The following GANC variants were observed in gnomAD, a reference collection of about 807,000 sequenced individuals.
The protein encoded by GANC is neutral alpha-glucosidase C.
A neutral mutation model predicts 124.2 loss-of-function variants in GANC; 117 were observed. That is an observed-to-expected ratio of 0.94 (90% CI 0.81 to 1.10). GANC has a LOEUF of 1.10. Among genes scored for constraint, GANC ranks in the 50% least tolerant of loss-of-function variants. The probability of loss-of-function intolerance (pLI) is 0.00; values close to 1 mark genes in which losing one functional copy is unlikely to be tolerated. For missense variants in GANC, 1,140 were observed against 1,095.0 expected (o/e 1.04, Z -0.58); for synonymous variants, 377 against 376.8 (o/e 1.00, Z -0.01).
intron 8 of GANC, 97 bp downstream of exon 8, chr15:42,308,415 C>A: frequency 1.3e-6 from 1 of 742,128 alleles, no homozygotes; most frequent in Non-Finnish European, 2.3e-6. Flanking sequence ...CTAATATGTG[C>A]CAGGCCTTTT....
chr15:42,334,095 A>G (rs895413983), intron 15 of GANC, among the ~76,000 whole-genome samples: 2 of 152,180 alleles, frequency 1.3e-5, no homozygotes, highest in African/African-American at 4.8e-5. Context: ...TCAAAATTAA[A>G]CTAAAAAATT....
chr15:42,315,833 T>C lies in GANC; in HGVS notation c.1057+4987T>C, dbSNP rs139492797. On this transcript the variant is annotated intron_variant, in intron 10 of 23. Transcript: ENST00000318010. ...ACTAAGGTCCCTGGGGAAAACAGAA[T>C]GTCTCCAGCCTGCCTTCAGGCTCAA... Among the ~76,000 whole-genome samples, 27 of 152,174 alleles carry C rather than the reference T, an allele frequency of 1.8e-4. No individual in the cohort carries two copies. In the East Asian group the frequency reaches 5.0e-3, roughly 28 times the overall value.
At position 42,351,412 on chromosome 15, in the gene GANC, C is replaced by T. The variant is rs767716869; in HGVS notation, c.2615C>T (p.Ser872Phe). 22 of 1,613,100 alleles carry T rather than the reference C, an allele frequency of 1.4e-5. No homozygotes were observed. Among genetic ancestry groups the T allele is most frequent in the South Asian group, 3.3e-5 (3 of 91,044 alleles). The change falls in exon 23 of 24, where the codon TCT becomes TTT. Residue 872 changes from serine to phenylalanine, a missense_variant. Physicochemically the swap from Ser to Phe is radical, Grantham distance 155. Transcript: ENST00000318010. Reference protein sequence around the residue: ...LVLGFRKEPSSVTTHSSDGKD... With the variant: ...LVLGFRKEPSFVTTHSSDGKD... ...TTAGGCTTCAGGAAGGAGCCATCTT[C>T]TGTGACTACCCACTCATCTGGTGAG...
intron 20 of GANC, 130 bp downstream of exon 20, chr15:42,345,962 G>A: frequency 3.1e-6 from 2 of 640,102 alleles, no homozygotes; most frequent in South Asian, 2.0e-5. Context: ...TTTGGAGGCT[G>A]GAAGTTCCAG....
At chr15:42,330,815 T>G (rs1197006288) in intron 15 of GANC, 143 bp downstream of exon 15, 2 of 601,028 alleles carry the variant, frequency 3.3e-6, no homozygotes, top group Admixed American at 3.6e-5. Flanking sequence ...TGAAACAGAG[T>G]CTCGCTTTGT....
chr15:42,309,199 A>G (rs748759345), intron 8 of GANC, among the ~76,000 whole-genome samples: 35 of 152,186 alleles, frequency 2.3e-4, no homozygotes, highest in Non-Finnish European at 4.9e-4. Flanking sequence ...ACTTTCAGGT[A>G]GGCACAGTGG....
In GANC at chr15:42,297,617, T is replaced by C; in HGVS notation, c.519T>C (p.Ala173=). Reference sequence around the variant, plus strand: ...TTTATTTACGTTAAAACAGAGCTGCTAAAGAAAATGAGGAGGAGACATCAG... The same window carrying C: ...TTTATTTACGTTAAAACAGAGCTGCCAAAGAAAATGAGGAGGAGACATCAG... The part of the protein sequence containing the change: ...HLQILHKQRA[A]KENEEETSVD... Residue 173 remains alanine, a synonymous_variant, in exon 6 of 24, where the codon GCT becomes GCC. Transcript: ENST00000318010. The C allele has an allele frequency of 1.9e-6, 3 of 1,612,308 alleles. No homozygotes were observed. The highest frequency in any genetic ancestry group is 2.2e-5 in the East Asian group (1 of 44,802).
chr15:42,319,900 A>G (rs2918458), intron 10 of GANC, among the ~76,000 whole-genome samples: 138,471 of 152,196 alleles, frequency 0.91, 64,354 homozygotes, highest in Non-Finnish European at 1. Context: ...TTCAGATTTT[A>G]GAGGCCAGAT....
chr15:42,324,936 T>C lies in GANC; in HGVS notation c.1294-1362T>C, dbSNP rs529267024. On this transcript the variant is annotated intron_variant, in intron 11 of 23. Coordinates refer to ENST00000318010, the MANE Select transcript of GANC (RefSeq NM_198141.3). The stretch of plus-strand genomic sequence containing the variant: ...ACTGCACACTTAAAAATGGTTAAGA[T>C]AGTAAATTTTATGTTATGTGTATTT... Among the ~76,000 whole-genome samples the C allele has an allele frequency of 2.1e-4, 32 of 152,172 alleles. No individual in the cohort carries two copies. The South Asian group carries it at 6.6e-3, about 32-fold the overall frequency.
In GANC at chr15:42,352,208, T is replaced by C. The variant is rs1176739098; in HGVS notation, c.*69T>C. On this transcript the variant is annotated 3_prime_UTR_variant, in exon 24 of 24. Coordinates refer to ENST00000318010, the MANE Select transcript of GANC (RefSeq NM_198141.3). ...CTTTCAACCTTTCCCCTCACCTTTT[T>C]TGAGATTTTTGCTGCAATCTGTTTG... The C allele has an allele frequency of 6.3e-7, 1 of 1,585,850 alleles. No homozygotes were observed. The highest frequency in any genetic ancestry group is 1.3e-5 in the African/African-American group (1 of 74,202).
At chr15:42,330,766 T>C (rs570351725) in intron 15 of GANC, 94 bp downstream of exon 15, 2 of 635,350 alleles carry the variant, frequency 3.1e-6, no homozygotes, top group Admixed American at 4.2e-5. Flanking sequence ...ATGCCTTCCT[T>C]TTCCTTTTTT....
intron 3 of GANC, chr15:42,283,645 C>T: frequency 1.4e-6 from 1 of 702,530 alleles, no homozygotes; most frequent in Admixed American, 2.0e-5. Context: ...ACAACACTTC[C>T]AGCAGCTTCT....
chr15:42,330,126 T>C (rs1272273775), intron 14 of GANC, among the ~76,000 whole-genome samples: 1 of 152,200 alleles, frequency 6.6e-6, no homozygotes, highest in African/African-American at 2.4e-5. Flanking sequence ...AGTTTTCAGA[T>C]TGTGTGTGTT....
chr15:42,302,424 A>G (rs1200751934), intron 6 of GANC, among the ~76,000 whole-genome samples: 2 of 152,216 alleles, frequency 1.3e-5, no homozygotes, highest in Admixed American at 6.5e-5. Context: ...TGAAAATTCC[A>G]AAAACCAGAA....
chr15:42,313,396 C>A (rs1416677025), intron 10 of GANC, among the ~76,000 whole-genome samples: 1 of 152,150 alleles, frequency 6.6e-6, no homozygotes, highest in South Asian at 2.1e-4. Flanking sequence ...TTAGAATTCA[C>A]TAACATTAAA....
At position 42,292,815 on chromosome 15, in the gene GANC, A is replaced by AC. The variant is rs779419091; in HGVS notation, c.413dup (p.Phe139IlefsTer8). 6.2e-7 allele frequency: 1 copy of AC among 1,614,116 alleles called. No homozygotes were observed. Among genetic ancestry groups the AC allele is most frequent in the South Asian group, 1.1e-5 (1 of 91,078 alleles). On this transcript the variant is annotated frameshift_variant, in exon 5 of 24. Coordinates refer to ENST00000318010, the MANE Select transcript of GANC (RefSeq NM_198141.3). LOFTEE classifies it high-confidence loss of function. The stretch of plus-strand genomic sequence containing the variant: ...GACCTGAAGTGCCATATCACAGCAA[A>AC]CCCATTCAAGGTAGACTTGGTGTCT...
intron 11 of GANC, among the ~76,000 whole-genome samples, chr15:42,325,629 CTTAGTTCTGTATGT>C (rs555213245): frequency 0.064 from 9,741 of 152,258 alleles, 396 homozygotes; most frequent in South Asian, 0.16. Flanking sequence ...ACCCTGCCTA[CTTAGTTCTGTATGT>C]ATAGTATGCA....
chr15:42,306,546 G>A lies in GANC; in HGVS notation c.559G>A (p.Glu187Lys), dbSNP rs778198915. ...TTTGCTCCCTTTTTTGTACCAACAG[G>A]AAAATCAAGAAGATCTGGGCCTGTG... ...EEETSVDTSQ[E>K]NQEDLGLWEE... is the part of the protein sequence containing the mutation. The change falls in exon 7 of 24, where the codon GAA (glutamate) becomes AAA (lysine). Residue 187 changes from glutamate (E) to lysine (K), a missense_variant and splice_region_variant. Coordinates refer to ENST00000318010, the MANE Select transcript of GANC (RefSeq NM_198141.3). 5.0e-6 allele frequency: 8 copies of A among 1,609,696 alleles called. No homozygotes were observed. Among genetic ancestry groups the A allele is most frequent in the Admixed American group, 3.4e-5 (2 of 58,530 alleles).
chr15:42,327,375 A>G lies in GANC; in HGVS notation c.1433A>G (p.Tyr478Cys), dbSNP rs751877700. ...EGVCWPGLSS[Y>C]LDFTNPKVRE... ...TCTGCCTCCACAGGTCTCTCCTCTT[A>G]CCTGGATTTCACCAATCCCAAGGTC... is the stretch of plus-strand genomic sequence containing the variant. The change falls in exon 13 of 24, where the codon TAC becomes TGC. Residue 478 changes from tyrosine (Y) to cysteine (C), a missense_variant. Tyr to Cys is a radical substitution (Grantham distance 194). Coordinates refer to ENST00000318010, the MANE Select transcript of GANC (RefSeq NM_198141.3). 1.6e-5 allele frequency: 26 copies of G among 1,612,660 alleles called. No individual in the cohort carries two copies. In the South Asian group the frequency reaches 2.8e-4, roughly 17 times the overall value.
Sources: allele counts gnomAD v4.1 joint callset (sites outside exome capture counted in the v4.1 genomes callset), GRCh38; gene constraint gnomAD v4.1.1; transcripts MANE v1.5; gene names NCBI Gene and HGNC (gene_info 2026-07-23, HGNC 2026-07-21).